PTBP3: variants seen among roughly 807,000 people sequenced by gnomAD.
PTBP3 encodes polypyrimidine tract-binding protein 3.
In PTBP3, 20 loss-of-function variants were observed where a neutral mutation model predicts 58.7. The ratio of observed to expected loss-of-function variants is 0.34; its 90% CI spans 0.24 to 0.50. PTBP3 has a LOEUF of 0.50. Ranked by LOEUF, PTBP3 falls within the 20% of genes least tolerant of loss-of-function variation. The pLI is 0.98. For missense variants in PTBP3, 509 were observed against 637.2 expected (o/e 0.80, Z 2.17); for synonymous variants, 185 against 219.8 (o/e 0.84, Z 1.40).
chr9:112,341,730 A>T, the PTBP3 span, among the ~76,000 whole-genome samples: 2 of 152,064 alleles, frequency 1.3e-5, no homozygotes, highest in African/African-American at 4.8e-5. Flanking sequence ...GTGAAGTGGG[A>T]AGTGACTGTG....
chr9:112,293,842 A>C (rs1828552589), intron 2 of PTBP3, among the ~76,000 whole-genome samples: 2 of 152,210 alleles, frequency 1.3e-5, no homozygotes, highest in Admixed American at 1.3e-4. Context: ...ATAAAAGAAC[A>C]ACAAAAGAGA....
chr9:112,246,825 T>C (rs1318924763), intron 7 of PTBP3, among the ~76,000 whole-genome samples: 1 of 152,112 alleles, frequency 6.6e-6, no homozygotes, highest in Non-Finnish European at 1.5e-5. Flanking sequence ...AAGACCACTT[T>C]AATAAGTGAT....
intron 12 of PTBP3, among the ~76,000 whole-genome samples, chr9:112,224,692 C>T (rs1834917111): frequency 6.6e-6 from 1 of 152,200 alleles, no homozygotes; most frequent in Admixed American, 6.5e-5. Context: ...TATTCATGCC[C>T]TTGTTTATTC....
chr9:112,245,435 T>C (rs949990520), intron 7 of PTBP3, among the ~76,000 whole-genome samples: 1 of 152,210 alleles, frequency 6.6e-6, no homozygotes, highest in Non-Finnish European at 1.5e-5. Flanking sequence ...TTTCTTATTC[T>C]TGAAGAGTTA....
chr9:112,308,009 A>G (rs963268135), intron 1 of PTBP3, among the ~76,000 whole-genome samples: 22 of 152,196 alleles, frequency 1.4e-4, no homozygotes, highest in African/African-American at 5.3e-4. Flanking sequence ...TGTGTGGCAT[A>G]AGACAATTCT....
chr9:112,370,879 T>C, the PTBP3 span, among the ~76,000 whole-genome samples: 1 of 152,224 alleles, frequency 6.6e-6, no homozygotes, highest in African/African-American at 2.4e-5. Context: ...TTATTCATTT[T>C]GATGTTCTTA....
intron 8 of PTBP3, among the ~76,000 whole-genome samples, chr9:112,233,574 T>C (rs747087469): frequency 2.0e-5 from 3 of 151,704 alleles, no homozygotes; most frequent in Non-Finnish European, 4.4e-5. Context: ...ACCAAGATGG[T>C]AAAATTTAAA....
At chr9:112,363,530 A>ACACACT in the PTBP3 span, among the ~76,000 whole-genome samples, 32 of 122,800 alleles carry the variant, frequency 2.6e-4, no homozygotes, top group African/African-American at 1.1e-3. Flanking sequence ...ACACACACAC[A>ACACACT]CACACACACA....
chr9:112,306,606 T>TA (rs1829230692), intron 1 of PTBP3, among the ~76,000 whole-genome samples: 1 of 144,602 alleles, frequency 6.9e-6, no homozygotes, highest in African/African-American at 2.6e-5. Flanking sequence ...ATATATATAT[T>TA]TTTGTTTGTT....
At chr9:112,289,339 C>G (rs1828276688) in intron 2 of PTBP3, among the ~76,000 whole-genome samples, 2 of 152,060 alleles carry the variant, frequency 1.3e-5, no homozygotes. Context: ...CTTATATCAT[C>G]TTTGCAGCCA....
intron 2 of PTBP3, among the ~76,000 whole-genome samples, chr9:112,276,815 CA>C (rs1180303510): frequency 6.6e-6 from 1 of 152,118 alleles, no homozygotes; most frequent in African/African-American, 2.4e-5. Flanking sequence ...CTAGAATTGA[CA>C]AGCCTGTAAG....
Position 112,255,913 on chromosome 9 carries a change from C to T in PTBP3, c.517-3125G>A, listed in dbSNP as rs187551242. ...TAAAATTCTCAGCCTCCCCCAAATCCCTATAGAATTATTTTTCTTGAGTTG... is the reference window on the plus strand; with the variant it reads ...TAAAATTCTCAGCCTCCCCCAAATCTCTATAGAATTATTTTTCTTGAGTTG... On this transcript the variant is annotated intron_variant, in intron 5 of 13. Transcript: ENST00000374257. Among the ~76,000 whole-genome samples, 3 of 152,184 alleles carry T rather than the reference C, an allele frequency of 2.0e-5. No individual in the cohort carries two copies. The East Asian group carries it at 5.8e-4, about 29-fold the overall frequency.
chr9:112,305,418 A>G (rs151329475), intron 1 of PTBP3, among the ~76,000 whole-genome samples: 1 of 152,274 alleles, frequency 6.6e-6, no homozygotes, highest in African/African-American at 2.4e-5. Context: ...CCTCATGAAC[A>G]ATAAATTATT....
At chr9:112,240,411 T>C (rs995747600) in intron 7 of PTBP3, among the ~76,000 whole-genome samples, 1 of 152,052 alleles carries the variant, frequency 6.6e-6, no homozygotes, top group Non-Finnish European at 1.5e-5. Flanking sequence ...AACTGAAAAA[T>C]TCCTATTGCC....
At chr9:112,253,264 T>A (rs999241122) in intron 5 of PTBP3, among the ~76,000 whole-genome samples, 1 of 152,056 alleles carries the variant, frequency 6.6e-6, no homozygotes, top group Non-Finnish European at 1.5e-5. Flanking sequence ...ATGCAGACAA[T>A]AAACAAATGA....
At position 112,252,778 on chromosome 9, in the gene PTBP3, T is replaced by A; in HGVS notation, c.527A>T (p.Lys176Ile). 6.3e-7 allele frequency: 1 copy of A among 1,587,598 alleles called. No individual in the cohort carries two copies. Among genetic ancestry groups the A allele is most frequent in the Non-Finnish European group, 8.6e-7 (1 of 1,157,796 alleles). Residue 176 changes from lysine (K) to isoleucine (I), a missense_variant, in exon 6 of 14, where the codon AAA becomes ATA. Transcript: ENST00000374257. ...TLEVLHQIFS[K>I]FGTVLKIITF... ...GATAATCTTCAAGACTGTGCCAAAT[T>A]TAGAAAATATCTGGAAAACAGTTCA...
chr9:112,262,461 G>T lies in PTBP3; in HGVS notation c.490C>A (p.Pro164Thr). The change falls in exon 5 of 14, where the codon CCT becomes ACT. Residue 164 changes from proline (P) to threonine (T), a missense_variant. By Grantham distance (38) the Pro-to-Thr change is conservative (BLOSUM62 -1). Around this residue, in one of 4 missense-constraint regions of PTBP3, gnomAD observed 212 missense variants for 215.3 expected, o/e 0.98. Coordinates refer to ENST00000374257, the MANE Select transcript of PTBP3 (RefSeq NM_001163788.4). ...LRIIIENLFYPVTLEVLHQIF... is the reference protein window; with the variant it reads ...LRIIIENLFYTVTLEVLHQIF... Reference sequence around the variant, plus strand: ...TGATGAAGAACTTCCAGGGTAACAGGGTAAAAGAGGTTTTCAATAATTATT... The same window carrying T: ...TGATGAAGAACTTCCAGGGTAACAGTGTAAAAGAGGTTTTCAATAATTATT... 1 of 1,608,544 alleles carries T rather than the reference G, an allele frequency of 6.2e-7. No homozygotes were observed. The highest frequency in any genetic ancestry group is 1.1e-5 in the South Asian group (1 of 89,800).
intron 2 of PTBP3, 84 bp downstream of exon 2, chr9:112,297,748 A>G (rs118148130): frequency 8.6e-6 from 10 of 1,158,250 alleles, no homozygotes; most frequent in Non-Finnish European, 1.1e-5. Flanking sequence ...GCACTTCAAC[A>G]TGATATAAGC....
Position 112,220,098 on chromosome 9 carries a change from CT to C in PTBP3, c.*3752del, listed in dbSNP as rs1434561529. 11 of 1,231,912 alleles carry C rather than the reference CT, an allele frequency of 8.9e-6. No homozygotes were observed. In the Admixed American group the frequency reaches 2.8e-4, roughly 32 times the overall value. The allele number at this position is 1,231,912 out of a possible 1,614,324, so 76.3% of individuals were successfully genotyped here. A position where few individuals can be genotyped will look rare whatever the true frequency, so the allele number is the denominator to read the frequency against. The stretch of plus-strand genomic sequence containing the variant: ...TGCTTTACGCATCGTCACGCTGTCT[CT>C]TTTTGGTTTTAAAAATAGCAGTACA... On this transcript the variant is annotated 3_prime_UTR_variant, in exon 14 of 14. Coordinates refer to ENST00000374257, the MANE Select transcript of PTBP3 (RefSeq NM_001163788.4).
Sources: allele counts gnomAD v4.1 joint callset (sites outside exome capture counted in the v4.1 genomes callset), GRCh38; gene constraint gnomAD v4.1.1; regional missense constraint gnomAD v4.1.1; transcripts MANE v1.5; gene names NCBI Gene and HGNC (gene_info 2026-07-23, HGNC 2026-07-21).